DYM: variants seen among roughly 807,000 people sequenced by gnomAD.
The protein encoded by DYM is dymeclin.
In DYM, 78 loss-of-function variants were observed where a neutral mutation model predicts 93.1. The observed-to-expected ratio is 0.84, with a 90% confidence interval of 0.70 to 1.01. The LOEUF (loss-of-function observed/expected upper bound fraction) is 1.01. DYM is among the 50% of genes least tolerant of loss of function. The probability of loss-of-function intolerance (pLI) is 0.00; values close to 1 mark genes in which losing one functional copy is unlikely to be tolerated. For missense variants in DYM, 789 were observed against 845.0 expected, an observed-to-expected ratio of 0.93 and a Z score of 0.82; for synonymous variants, 321 against 319.7, an observed-to-expected ratio of 1.00 and a Z score of -0.04.
chr18:49,322,049 A>T (rs1157775918), intron 8 of DYM, among the ~76,000 whole-genome samples: 1 of 152,108 alleles, frequency 6.6e-6, no homozygotes, highest in Non-Finnish European at 1.5e-5. Context: ...CATACCCATC[A>T]CAATGAATTC....
At chr18:49,452,933 T>C (rs911595634) in intron 1 of DYM, among the ~76,000 whole-genome samples, 1 of 133,154 alleles carries the variant, frequency 7.5e-6, no homozygotes, top group African/African-American at 3.0e-5. Context: ...CAGCACCCTG[T>C]GTCTAGGCTC....
intron 17 of DYM, among the ~76,000 whole-genome samples, chr18:49,070,087 T>C (rs759071846): frequency 1.3e-5 from 2 of 152,124 alleles, no homozygotes; most frequent in African/African-American, 4.8e-5. Flanking sequence ...GCAAAGAGTA[T>C]GGCTGTGAGC....
chr18:49,157,190 G>A (rs2006639), intron 15 of DYM, among the ~76,000 whole-genome samples: 115,596 of 151,894 alleles, frequency 0.76, 44,083 homozygotes, highest in Non-Finnish European at 0.79. Flanking sequence ...AAAATCCTCC[G>A]GATGTTGCTG....
intron 8 of DYM, among the ~76,000 whole-genome samples, chr18:49,302,314 A>G (rs1203308030): frequency 6.6e-6 from 1 of 152,200 alleles, no homozygotes; most frequent in Non-Finnish European, 1.5e-5. Context: ...CCATTAAGCC[A>G]TCATGATTAG....
chr18:49,087,079 G>T (rs994793190), intron 17 of DYM, among the ~76,000 whole-genome samples: 2 of 152,076 alleles, frequency 1.3e-5, no homozygotes, highest in African/African-American at 4.8e-5. Context: ...AAAGCAGGAA[G>T]ATGGCCATCT....
intron 17 of DYM, among the ~76,000 whole-genome samples, chr18:49,076,163 CTG>C (rs1373674580): frequency 2.4e-4 from 36 of 152,070 alleles, no homozygotes; most frequent in African/African-American, 8.5e-4. Flanking sequence ...TAATCTTTCT[CTG>C]TATGTATCTG....
chr18:49,068,085 T>C (rs757552734), intron 17 of DYM, among the ~76,000 whole-genome samples: 2 of 152,218 alleles, frequency 1.3e-5, no homozygotes, highest in Non-Finnish European at 2.9e-5. Flanking sequence ...GGGCAATGAC[T>C]AGTAATAGTT....
At chr18:49,314,777 A>C (rs2061818741) in intron 8 of DYM, among the ~76,000 whole-genome samples, 1 of 152,228 alleles carries the variant, frequency 6.6e-6, no homozygotes, top group African/African-American at 2.4e-5. Context: ...GGGGGAATTC[A>C]GACATTCATA....
chr18:49,172,931 CTTATAT>C (rs1446474762), intron 14 of DYM, among the ~76,000 whole-genome samples: 1 of 151,106 alleles, frequency 6.6e-6, no homozygotes, highest in Non-Finnish European at 1.5e-5. Context: ...AGTTTTAGTT[CTTATAT>C]TTATGTCTAT....
intron 6 of DYM, among the ~76,000 whole-genome samples, chr18:49,341,491 C>CAAA (rs10578063): frequency 2.0e-4 from 13 of 64,926 alleles, no homozygotes; most frequent in African/African-American, 8.2e-4. Context: ...GACTCCATCG[C>CAAA]AAAAAAAAAA....
At chr18:49,399,672 G>A (rs760574870) in intron 2 of DYM, among the ~76,000 whole-genome samples, 6 of 152,076 alleles carry the variant, frequency 3.9e-5, no homozygotes, top group Non-Finnish European at 5.9e-5. Flanking sequence ...AACTGAGCAC[G>A]CAGCAGTAAG....
intron 14 of DYM, among the ~76,000 whole-genome samples, chr18:49,207,056 C>T (rs9965056): frequency 0.025 from 3,803 of 152,194 alleles, 149 homozygotes; most frequent in African/African-American, 0.085. Flanking sequence ...TTTTGTTTTT[C>T]CCTACTTTGT....
At chr18:49,106,383 T>G (rs937695205) in intron 16 of DYM, among the ~76,000 whole-genome samples, 1 of 152,232 alleles carries the variant, frequency 6.6e-6, no homozygotes, top group Admixed American at 6.5e-5. Flanking sequence ...TGTCTTTTAA[T>G]TGGAGCATTT....
At chr18:49,443,932 G>A (rs2081889623) in intron 1 of DYM, among the ~76,000 whole-genome samples, 1 of 152,148 alleles carries the variant, frequency 6.6e-6, no homozygotes, top group African/African-American at 2.4e-5. Context: ...GTGGCTCGAA[G>A]TACAGTATGT....
At chr18:49,383,625 T>G (rs2068263813) in intron 3 of DYM, among the ~76,000 whole-genome samples, 1 of 152,216 alleles carries the variant, frequency 6.6e-6, no homozygotes, top group Non-Finnish European at 1.5e-5. Flanking sequence ...ACAATGCAGC[T>G]TCATGGGTTA....
intron 14 of DYM, among the ~76,000 whole-genome samples, chr18:49,202,009 G>A (rs1382460325): frequency 6.6e-6 from 1 of 152,160 alleles, no homozygotes; most frequent in East Asian, 1.9e-4. Flanking sequence ...CTATTGTATG[G>A]CAGAGACTGT....
chr18:49,326,325 A>C (rs1015981383), intron 8 of DYM, among the ~76,000 whole-genome samples: 1 of 152,190 alleles, frequency 6.6e-6, no homozygotes, highest in African/African-American at 2.4e-5. Flanking sequence ...AACAGAAAGG[A>C]AACAATTTTT....
At chr18:49,285,782 GA>G (rs1322960050) in intron 9 of DYM, among the ~76,000 whole-genome samples, 1 of 152,206 alleles carries the variant, frequency 6.6e-6, no homozygotes, top group Non-Finnish European at 1.5e-5. Flanking sequence ...AACCTTTTGA[GA>G]AGAGATAATA....
At chr18:49,424,747 T>C (rs888683654) in intron 2 of DYM, among the ~76,000 whole-genome samples, 1 of 152,022 alleles carries the variant, frequency 6.6e-6, no homozygotes, top group Non-Finnish European at 1.5e-5. Flanking sequence ...TATACACCAA[T>C]AACAGACAAA....
Sources: gnomAD v4.1 joint callset for allele counts (sites outside exome capture counted in the v4.1 genomes callset) on GRCh38, gnomAD v4.1.1 for gene constraint, MANE v1.5 for transcripts, NCBI Gene and HGNC (gene_info 2026-07-23, HGNC 2026-07-21) for gene names.